DGKI: variants seen among roughly 807,000 people sequenced by gnomAD.
DGKI encodes the protein DAG kinase iota.
In DGKI, 55 loss-of-function variants were observed where a neutral mutation model predicts 147.5. That is an observed-to-expected ratio of 0.37 (90% confidence interval 0.30 to 0.47). The LOEUF is 0.47. DGKI is among the 20% of genes least tolerant of loss of function. The probability of loss-of-function intolerance (pLI) is 1.00; values close to 1 mark genes in which losing one functional copy is unlikely to be tolerated. For missense variants in DGKI, 1,007 were observed against 1,323.8 expected (o/e 0.76, Z 3.71); for synonymous variants, 469 against 477.1 (o/e 0.98, Z 0.22).
At chr7:137,824,862 A>G (rs961850857) in intron 1 of DGKI, among the ~76,000 whole-genome samples, 5 of 152,182 alleles carry the variant, frequency 3.3e-5, no homozygotes, top group African/African-American at 1.2e-4. Context: ...CTCCAGCTTC[A>G]TCCATATGCC....
At chr7:137,441,298 G>A (rs1020389744) in intron 28 of DGKI, among the ~76,000 whole-genome samples, 14 of 151,934 alleles carry the variant, frequency 9.2e-5, no homozygotes, top group African/African-American at 3.4e-4. Flanking sequence ...GCGGCCGCCT[G>A]TAGTCCCAGC....
At chr7:137,553,696 G>A (rs1042428215) in intron 19 of DGKI, among the ~76,000 whole-genome samples, 14 of 151,900 alleles carry the variant, frequency 9.2e-5, no homozygotes, top group South Asian at 2.1e-4. Flanking sequence ...AACCTCCATC[G>A]AGACCAAAGT....
At chr7:137,674,825 T>C (rs576921969) in intron 3 of DGKI, among the ~76,000 whole-genome samples, 1 of 152,322 alleles carries the variant, frequency 6.6e-6, no homozygotes, top group East Asian at 1.9e-4. Flanking sequence ...AAGCTGCCTC[T>C]GTCTGCTTCA....
chr7:137,801,397 TC>T (rs1403580961), intron 1 of DGKI, among the ~76,000 whole-genome samples: 1 of 152,226 alleles, frequency 6.6e-6, no homozygotes, highest in Non-Finnish European at 1.5e-5. Flanking sequence ...AACAACTGTG[TC>T]CTTTACATCA....
intron 1 of DGKI, among the ~76,000 whole-genome samples, chr7:137,724,985 A>C (rs1011449068): frequency 2.0e-5 from 3 of 152,262 alleles, no homozygotes; most frequent in Admixed American, 6.5e-5. Context: ...GACTAAAAAG[A>C]AGCAGCCAGT....
chr7:137,546,884 G>A (rs1053240565), intron 20 of DGKI, among the ~76,000 whole-genome samples: 4 of 152,132 alleles, frequency 2.6e-5, no homozygotes, highest in African/African-American at 7.2e-5. Context: ...AAGTACTATC[G>A]TTTCCAAACA....
At chr7:137,415,493 C>T (rs1025949745) in intron 28 of DGKI, among the ~76,000 whole-genome samples, 2 of 152,006 alleles carry the variant, frequency 1.3e-5, no homozygotes, top group African/African-American at 4.8e-5. Context: ...GGAACTAATC[C>T]CCCACAGATA....
intron 6 of DGKI, among the ~76,000 whole-genome samples, chr7:137,624,156 C>T (rs1820850987): frequency 6.6e-6 from 1 of 152,128 alleles, no homozygotes; most frequent in African/African-American, 2.4e-5. Context: ...AATGGTAAAC[C>T]TAATCCTCTT....
chr7:137,571,137 A>C, intron 19 of DGKI, 38 bp downstream of exon 19: 1 of 1,469,136 alleles, frequency 6.8e-7, no homozygotes, highest in Non-Finnish European at 9.3e-7. Context: ...CTGTGACTAA[A>C]ATACATTTCA....
intron 19 of DGKI, 133 bp downstream of exon 19, chr7:137,571,042 C>T: frequency 1.6e-6 from 1 of 612,444 alleles, no homozygotes; most frequent in African/African-American, 2.0e-5. Flanking sequence ...TCTTGTTTTT[C>T]CTAAGCAACT....
chr7:137,710,615 C>T (rs559152287), intron 1 of DGKI, among the ~76,000 whole-genome samples: 2 of 152,152 alleles, frequency 1.3e-5, no homozygotes, highest in East Asian at 1.9e-4. Context: ...AGCATATATA[C>T]ATTTGATCCC....
intron 1 of DGKI, among the ~76,000 whole-genome samples, chr7:137,720,247 A>C (rs1348005913): frequency 7.5e-6 from 1 of 134,224 alleles, no homozygotes; most frequent in African/African-American, 2.8e-5. Flanking sequence ...CACTTGAAAA[A>C]ATCTTTTTTT....
At chr7:137,652,335 G>A (rs191939185) in intron 5 of DGKI, among the ~76,000 whole-genome samples, 20 of 152,242 alleles carry the variant, frequency 1.3e-4, no homozygotes, top group Middle Eastern at 3.4e-3. Flanking sequence ...AAAATTGCAC[G>A]ATTAAAATTG....
intron 8 of DGKI, among the ~76,000 whole-genome samples, chr7:137,618,127 C>CTATATATA (rs1164221520): frequency 6.2e-5 from 1 of 16,176 alleles, no homozygotes; most frequent in African/African-American, 8.7e-5. Context: ...TTCTAAAATA[C>CTATATATA]TATATATATA....
chr7:137,426,678 A>G (rs1812820867), intron 28 of DGKI, among the ~76,000 whole-genome samples: 1 of 152,102 alleles, frequency 6.6e-6, no homozygotes, highest in East Asian at 1.9e-4. Flanking sequence ...TGACACACAC[A>G]GGCTCAAAAT....
chr7:137,392,306 T>C (rs1811395412), intron 32 of DGKI, among the ~76,000 whole-genome samples: 1 of 152,202 alleles, frequency 6.6e-6, no homozygotes, highest in Non-Finnish European at 1.5e-5. Context: ...AGAAAGAGTG[T>C]CCATTCTTTT....
At chr7:137,447,686 C>T (rs138934408) in intron 27 of DGKI, among the ~76,000 whole-genome samples, 148 of 152,298 alleles carry the variant, frequency 9.7e-4, no homozygotes, top group African/African-American at 3.5e-3. Context: ...GTGGCAAGGG[C>T]CATTTCATAC....
intron 30 of DGKI, 86 bp downstream of exon 30, chr7:137,407,789 C>T (rs1387771565): frequency 3.2e-6 from 5 of 1,542,184 alleles, no homozygotes; most frequent in Non-Finnish European, 4.4e-6. Flanking sequence ...CTGAAAACTG[C>T]CTGGATGAAG....
At chr7:137,575,538 G>A (rs191885059) in intron 17 of DGKI, among the ~76,000 whole-genome samples, 4 of 152,306 alleles carry the variant, frequency 2.6e-5, no homozygotes, top group South Asian at 2.1e-4. Context: ...CTGTGGATGC[G>A]CCTGTAAATG....
Sources: gnomAD v4.1 joint callset for allele counts (sites outside exome capture counted in the v4.1 genomes callset) on GRCh38, gnomAD v4.1.1 for gene constraint, MANE v1.5 for transcripts, NCBI Gene and HGNC (gene_info 2026-07-23, HGNC 2026-07-21) for gene names.